UNC5D: variants seen among roughly 807,000 people sequenced by gnomAD.
The protein encoded by UNC5D is netrin receptor UNC5D.
In UNC5D, 39 loss-of-function variants were observed where a neutral mutation model predicts 105.4. That is an observed-to-expected ratio of 0.37 (90% CI 0.29 to 0.48). The LOEUF is 0.48. Among genes scored for constraint, UNC5D ranks in the 20% least tolerant of loss-of-function variants. The pLI, the probability that UNC5D is intolerant of heterozygous loss-of-function variation, is 0.98. For synonymous variants in UNC5D, 452 were observed against 450.4 expected (o/e 1.00, Z -0.04); for missense variants, 991 against 1,202.4 (o/e 0.82, Z 2.60).
intron 1 of UNC5D, among the ~76,000 whole-genome samples, chr8:35,272,845 G>A (rs1343414014): frequency 6.6e-6 from 1 of 152,226 alleles, no homozygotes; most frequent in Non-Finnish European, 1.5e-5. Flanking sequence ...GGGTGGTGAT[G>A]TCCAGTCTTC....
chr8:35,247,578 A>T (rs1474303249), intron 1 of UNC5D, among the ~76,000 whole-genome samples: 81 of 108,362 alleles, frequency 7.5e-4, no homozygotes, highest in South Asian at 3.3e-3. Flanking sequence ...AATATGTATA[A>T]AATATATAAA....
intron 11 of UNC5D, among the ~76,000 whole-genome samples, chr8:35,732,710 C>T (rs1369824587): frequency 6.6e-6 from 1 of 152,174 alleles, no homozygotes; most frequent in Non-Finnish European, 1.5e-5. Flanking sequence ...TTCCTACACA[C>T]TCCTAGCTCT....
chr8:35,782,972 C>T (rs922308311), intron 16 of UNC5D, among the ~76,000 whole-genome samples: 1 of 151,664 alleles, frequency 6.6e-6, no homozygotes, highest in African/African-American at 2.4e-5. Context: ...CCATATCTAC[C>T]AAAAATAATT....
chr8:35,512,093 C>T (rs2130362607), intron 1 of UNC5D, among the ~76,000 whole-genome samples: 1 of 152,264 alleles, frequency 6.6e-6, no homozygotes, highest in African/African-American at 2.4e-5. Flanking sequence ...AACCAGAATA[C>T]ACCCCCAATC....
chr8:35,747,959 T>C (rs1379638338), intron 11 of UNC5D, among the ~76,000 whole-genome samples: 1 of 152,262 alleles, frequency 6.6e-6, no homozygotes, highest in African/African-American at 2.4e-5. Flanking sequence ...TACTGTGCTA[T>C]TGCTATATAA....
At chr8:35,295,154 C>T (rs1807388373) in intron 1 of UNC5D, among the ~76,000 whole-genome samples, 2 of 152,104 alleles carry the variant, frequency 1.3e-5, no homozygotes, top group African/African-American at 2.4e-5. Flanking sequence ...TAATACTGTA[C>T]CTTTTAAGTT....
At chr8:35,514,858 T>G (rs191915241) in intron 1 of UNC5D, among the ~76,000 whole-genome samples, 1 of 152,334 alleles carries the variant, frequency 6.6e-6, no homozygotes, top group Admixed American at 6.5e-5. Context: ...CCAGAAGGAA[T>G]GGATTTTGTC....
At position 35,518,143 on chromosome 8, in the gene UNC5D, T is replaced by C. The variant is rs533555630; in HGVS notation, c.104-31149T>C. On this transcript the variant is annotated intron_variant, in intron 1 of 16. Transcript: ENST00000404895. ...GAAAAAAAAAGCACTTGTGTATCTT[T>C]AACCTTGACAACAATTATTTATTAT... Among the ~76,000 whole-genome samples the C allele has an allele frequency of 3.0e-3, 464 of 152,342 alleles. 6 individuals are homozygous for C. The Middle Eastern group carries it at 0.034, about 11-fold the overall frequency.
chr8:35,367,627 A>G (rs937408426), intron 1 of UNC5D, among the ~76,000 whole-genome samples: 4 of 151,318 alleles, frequency 2.6e-5, no homozygotes, highest in Admixed American at 2.6e-4. Flanking sequence ...CTGTAATGGT[A>G]TAATATGGCA....
intron 1 of UNC5D, among the ~76,000 whole-genome samples, chr8:35,380,208 A>AGAGAGAGAGAGAGG: frequency 6.6e-6 from 1 of 150,406 alleles, no homozygotes; most frequent in East Asian, 2.0e-4. Flanking sequence ...GGAGAGAGAG[A>AGAGAGAGAGAGAGG]GAGAGAGAGA....
chr8:35,517,159 C>A (rs569299167), intron 1 of UNC5D, among the ~76,000 whole-genome samples: 2 of 152,172 alleles, frequency 1.3e-5, no homozygotes, highest in African/African-American at 4.8e-5. Context: ...CCCTTTAGGC[C>A]TCCCCTCCCC....
chr8:35,443,886 C>T (rs577765325), intron 1 of UNC5D, among the ~76,000 whole-genome samples: 1 of 151,880 alleles, frequency 6.6e-6, no homozygotes, highest in East Asian at 1.9e-4. Context: ...AAATTGTATG[C>T]TATTTGTAAA....
chr8:35,570,115 C>G (rs1233643366), intron 3 of UNC5D, among the ~76,000 whole-genome samples: 2 of 152,158 alleles, frequency 1.3e-5, no homozygotes, highest in Non-Finnish European at 2.9e-5. Context: ...TCAAATACAC[C>G]TTTGTTAGTT....
At chr8:35,753,958 T>G (rs1326163103) in intron 13 of UNC5D, among the ~76,000 whole-genome samples, 1 of 152,256 alleles carries the variant, frequency 6.6e-6, no homozygotes, top group Non-Finnish European at 1.5e-5. Flanking sequence ...GCTAAGTGAA[T>G]GTGTTCAAGG....
chr8:35,714,828 C>A (rs570535680), intron 8 of UNC5D, among the ~76,000 whole-genome samples: 3 of 152,290 alleles, frequency 2.0e-5, no homozygotes, highest in East Asian at 1.9e-4. Flanking sequence ...AGTGATCATG[C>A]AACCTGAGTA....
intron 1 of UNC5D, among the ~76,000 whole-genome samples, chr8:35,547,295 T>G (rs1028839172): frequency 6.6e-6 from 1 of 150,800 alleles, no homozygotes; most frequent in African/African-American, 2.4e-5. Flanking sequence ...CTTTTTTTTT[T>G]TTTTTTTTTT....
chr8:35,757,372 G>T (rs1006049908), intron 13 of UNC5D, among the ~76,000 whole-genome samples: 5 of 151,922 alleles, frequency 3.3e-5, no homozygotes, highest in Admixed American at 3.3e-4. Flanking sequence ...TCCCAGCTCC[G>T]TCTAGCCACC....
intron 1 of UNC5D, among the ~76,000 whole-genome samples, chr8:35,446,218 TG>T (rs1404538017): frequency 1.3e-5 from 2 of 151,952 alleles, no homozygotes; most frequent in Non-Finnish European, 2.9e-5. Context: ...TTATTGTAAA[TG>T]ATTCCCTGCA....
At chr8:35,568,781 T>G (rs1310750846) in intron 3 of UNC5D, among the ~76,000 whole-genome samples, 1 of 152,068 alleles carries the variant, frequency 6.6e-6, no homozygotes, top group Non-Finnish European at 1.5e-5. Flanking sequence ...ACAGTCGGAG[T>G]GCAGGTGTCT....
Sources: gnomAD v4.1 joint callset for allele counts (sites outside exome capture counted in the v4.1 genomes callset) on GRCh38, gnomAD v4.1.1 for gene constraint, MANE v1.5 for transcripts, NCBI Gene and HGNC (gene_info 2026-07-23, HGNC 2026-07-21) for gene names.